The following PCDH15 variants were observed in gnomAD, a reference collection of about 807,000 sequenced individuals.
PCDH15 encodes the protein protocadherin-15.
In PCDH15, 129 loss-of-function variants were observed where a neutral mutation model predicts 178.5. The ratio of observed to expected loss-of-function variants is 0.72; its 90% CI spans 0.63 to 0.84. PCDH15 has a LOEUF of 0.84. PCDH15 is among the 40% of genes least tolerant of loss of function. The pLI, the probability that PCDH15 is intolerant of heterozygous loss-of-function variation, is 0.00. For missense variants in PCDH15, 2,230 were observed against 2,099.9 expected (o/e 1.06, Z -1.21); for synonymous variants, 800 against 732.0 (o/e 1.09, Z -1.50).
At chr10:54,430,384 G>A (rs1956823296) in intron 3 of PCDH15, among the ~76,000 whole-genome samples, 1 of 152,000 alleles carries the variant, frequency 6.6e-6, no homozygotes. Flanking sequence ...TCAGCACATG[G>A]AACATTCTCA....
At chr10:55,173,309 A>ATGTGTGTGTGTGTGTGTG (rs775260037) in intron 1 of PCDH15, among the ~76,000 whole-genome samples, 1,849 of 132,914 alleles carry the variant, frequency 0.014, 20 homozygotes, top group Non-Finnish European at 0.02. Context: ...TAGAAAGATT[A>ATGTGTGTGTGTGTGTGTG]TGTGTGTGTG....
intron 3 of PCDH15, among the ~76,000 whole-genome samples, chr10:54,518,522 ATC>A (rs200642535): frequency 0.023 from 3,489 of 152,290 alleles, 114 homozygotes; most frequent in African/African-American, 0.079. Context: ...AAGAAGTTGA[ATC>A]TCTGAATAGA....
At chr10:54,129,861 G>T (rs1317396278) in intron 15 of PCDH15, among the ~76,000 whole-genome samples, 2 of 152,004 alleles carry the variant, frequency 1.3e-5, no homozygotes, top group Non-Finnish European at 2.9e-5. Flanking sequence ...TTTCAAACTT[G>T]GGTTGTGCAA....
chr10:53,928,923 G>A (rs1024744764), intron 25 of PCDH15, among the ~76,000 whole-genome samples: 1 of 152,012 alleles, frequency 6.6e-6, no homozygotes, highest in Non-Finnish European at 1.5e-5. Flanking sequence ...GAAGAAAACT[G>A]TATCTTCTCT....
At chr10:54,435,925 G>C (rs1429587021) in intron 3 of PCDH15, among the ~76,000 whole-genome samples, 6 of 151,578 alleles carry the variant, frequency 4.0e-5, no homozygotes, top group Non-Finnish European at 8.8e-5. Flanking sequence ...AGCCGAGATC[G>C]TGCCACTGCA....
intron 14 of PCDH15, among the ~76,000 whole-genome samples, 158 bp downstream of exon 14, chr10:54,152,942 C>G (rs2044685986): frequency 6.6e-6 from 1 of 152,020 alleles, no homozygotes; most frequent in Admixed American, 6.6e-5. Context: ...TTAACCAAAT[C>G]AGAATATGCA....
chr10:54,174,255 G>A (rs938595192), intron 13 of PCDH15, among the ~76,000 whole-genome samples: 49 of 152,042 alleles, frequency 3.2e-4, no homozygotes, highest in South Asian at 2.1e-4. Flanking sequence ...AATTAAGGCC[G>A]GGCGTGGTGG....
intron 2 of PCDH15, among the ~76,000 whole-genome samples, chr10:55,563,892 G>A (rs1396662799): frequency 6.6e-6 from 1 of 151,710 alleles, no homozygotes; most frequent in East Asian, 1.9e-4. Context: ...ATAAACTAAG[G>A]TAGTTCATTA....
In PCDH15 at chr10:54,853,289, G is replaced by GTATATATATA. The variant is rs71014423; in HGVS notation, c.-29+44151_-29+44160dup. 7.5e-3 allele frequency among the ~76,000 whole-genome samples: 772 copies of GTATATATATA among 102,374 alleles called. 11 individuals carry two copies. The highest frequency in any genetic ancestry group is 0.01 in the Middle Eastern group (2 of 200). The allele number at this position is 102,374 out of a possible 152,430, so 67.2% of individuals were successfully genotyped here. A position where few individuals can be genotyped will look rare whatever the true frequency, so the allele number is the denominator to read the frequency against. On this transcript the variant is annotated intron_variant, in intron 3 of 5. Transcript: ENST00000458638. Reference sequence around the variant, plus strand: ...TATATATATATGTGTATGTATGTGTGTATATATATATATATATATATATAT... The same window carrying GTATATATATA: ...TATATATATATGTGTATGTATGTGTGTATATATATATATATATATATATATATATATATAT...
chr10:55,029,735 T>C (rs1840562514), intron 2 of PCDH15, among the ~76,000 whole-genome samples: 1 of 152,148 alleles, frequency 6.6e-6, no homozygotes, highest in Non-Finnish European at 1.5e-5. Flanking sequence ...TGCACCAACT[T>C]TTCTCTCTGT....
At chr10:54,519,799 C>G (rs953598137) in intron 3 of PCDH15, among the ~76,000 whole-genome samples, 2 of 152,128 alleles carry the variant, frequency 1.3e-5, no homozygotes, top group African/African-American at 4.8e-5. Context: ...ATCACGCTAC[C>G]TGACTTCAAA....
At chr10:53,853,173 A>C (rs528026271) in intron 28 of PCDH15, among the ~76,000 whole-genome samples, 8 of 152,158 alleles carry the variant, frequency 5.3e-5, no homozygotes, top group African/African-American at 1.9e-4. Flanking sequence ...TGGAAGGGAC[A>C]ATTTCTTAAA....
chr10:54,261,826 G>A (rs558507123), intron 8 of PCDH15, among the ~76,000 whole-genome samples: 1 of 152,256 alleles, frequency 6.6e-6, no homozygotes, highest in African/African-American at 2.4e-5. Flanking sequence ...AGATGCAGCT[G>A]GGAAGTGCCT....
At chr10:54,485,237 T>G (rs1167871642) in intron 3 of PCDH15, among the ~76,000 whole-genome samples, 2 of 151,840 alleles carry the variant, frequency 1.3e-5, no homozygotes, top group African/African-American at 4.8e-5. Context: ...ATCTCCGACT[T>G]TCTATATACC....
At chr10:55,170,395 T>C (rs1839301630) in intron 1 of PCDH15, among the ~76,000 whole-genome samples, 1 of 152,034 alleles carries the variant, frequency 6.6e-6, no homozygotes, top group Non-Finnish European at 1.5e-5. Flanking sequence ...GTGATCCTCT[T>C]GGCTAAGCCT....
chr10:54,835,880 G>A (rs1024401093), intron 3 of PCDH15, among the ~76,000 whole-genome samples: 25 of 151,970 alleles, frequency 1.6e-4, no homozygotes, highest in Admixed American at 1.3e-4. Flanking sequence ...GAAAGATACG[G>A]TATTTTTTTA....
At chr10:55,062,842 A>C (rs1017461753) in intron 2 of PCDH15, among the ~76,000 whole-genome samples, 7 of 152,080 alleles carry the variant, frequency 4.6e-5, no homozygotes, top group African/African-American at 1.7e-4. Flanking sequence ...TGGGGCAGGG[A>C]TATATGGGAA....
At chr10:55,271,620 AG>A (rs1275945296) in intron 1 of PCDH15, among the ~76,000 whole-genome samples, 8 of 152,140 alleles carry the variant, frequency 5.3e-5, no homozygotes, top group Non-Finnish European at 1.0e-4. Context: ...GGAAGGAAAT[AG>A]ATTATTTTGA....
chr10:54,497,703 C>T (rs970095894), intron 3 of PCDH15, among the ~76,000 whole-genome samples: 3 of 151,796 alleles, frequency 2.0e-5, no homozygotes, highest in Non-Finnish European at 4.4e-5. Flanking sequence ...AGGAAAGAAC[C>T]TCCAGGGCTT....
Sources: gnomAD v4.1 joint callset for allele counts (sites outside exome capture counted in the v4.1 genomes callset) on GRCh38, gnomAD v4.1.1 for gene constraint, MANE v1.5 for transcripts, NCBI Gene and HGNC (gene_info 2026-07-23, HGNC 2026-07-21) for gene names.